Variants in GPR161 observed in about 807,000 individuals in gnomAD.
GPR161 encodes G-protein coupled receptor RE2.
In GPR161, 25 loss-of-function variants were observed where a neutral mutation model predicts 39.2. The observed-to-expected ratio is 0.64, with a 90% CI of 0.47 to 0.89. The LOEUF (loss-of-function observed/expected upper bound fraction) is 0.89, where lower values mean the gene tolerates loss of function less well. Ranked by LOEUF, GPR161 falls within the 40% of genes least tolerant of loss-of-function variation. GPR161 has a pLI of 0.00. For synonymous variants in GPR161, 286 were observed against 276.6 expected, an observed-to-expected ratio of 1.03 and a Z score of -0.34; for missense variants, 547 against 677.8, an observed-to-expected ratio of 0.81 and a Z score of 2.14.
Position 168,085,615 on chromosome 1 carries a change from G to T in GPR161, c.1506C>A (p.Arg502=). The change falls in exon 6 of 6, where the codon CGC becomes CGA. Residue 502 remains arginine, a synonymous_variant. Coordinates refer to ENST00000682931, the MANE Select transcript of GPR161 (RefSeq NM_001375883.1). ...RTVPGGGFGG[R]RGSRTLVSQR... is the part of the protein sequence containing the mutation. ...GGCTCACAAGAGTTCTGCTGCCTCGGCGGCCCCCGAAGCCGCCCCCCGGGA... is the reference window on the plus strand; with the variant it reads ...GGCTCACAAGAGTTCTGCTGCCTCGTCGGCCCCCGAAGCCGCCCCCCGGGA... The T allele has an allele frequency of 6.2e-7, 1 of 1,614,062 alleles. No homozygotes were observed. The highest frequency in any genetic ancestry group is 8.5e-7 in the Non-Finnish European group (1 of 1,179,996).
At chr1:168,123,551 C>T (rs1419853787) in intron 1 of GPR161, among the ~76,000 whole-genome samples, 5 of 148,952 alleles carry the variant, frequency 3.4e-5, no homozygotes, top group Admixed American at 6.7e-5. Context: ...CACACACACA[C>T]ACACACACAC....
At chr1:168,118,404 G>T (rs1458868766) in intron 1 of GPR161, among the ~76,000 whole-genome samples, 1,720 of 151,886 alleles carry the variant, frequency 0.011, 32 homozygotes, top group African/African-American at 0.04. Context: ...TGTATACACA[G>T]GGACACAGAG....
At chr1:168,137,298 C>T, upstream of GPR161, 1 of 1,527,356 alleles carries the variant, frequency 6.5e-7, no homozygotes, top group Non-Finnish European at 8.8e-7. Flanking sequence ...ATCACACAGA[C>T]ACTTTCAGAT....
chr1:168,117,112 C>A (rs975401672), intron 1 of GPR161, among the ~76,000 whole-genome samples: 3 of 152,162 alleles, frequency 2.0e-5, no homozygotes, highest in African/African-American at 7.2e-5. Flanking sequence ...CAACCCTCTC[C>A]ACAAGGGCAT....
intron 1 of GPR161, among the ~76,000 whole-genome samples, chr1:168,112,794 T>C (rs997244317): frequency 1.3e-5 from 2 of 151,906 alleles, no homozygotes; most frequent in Non-Finnish European, 2.9e-5. Context: ...GAGGCAGAGG[T>C]TGCAGTGAGC....
chr1:168,123,969 G>A (rs1380559283), intron 1 of GPR161, among the ~76,000 whole-genome samples: 1 of 152,212 alleles, frequency 6.6e-6, no homozygotes, highest in Non-Finnish European at 1.5e-5. Context: ...TTCGCATGTT[G>A]TAAAAAGCAA....
At chr1:168,096,469 T>C (rs1572269011) in intron 3 of GPR161, 39 bp downstream of exon 3, 1 of 1,582,590 alleles carries the variant, frequency 6.3e-7, no homozygotes, top group Non-Finnish European at 8.6e-7. Context: ...ACAGATTTCA[T>C]CTGCCTCGGA....
rs912607297 is a variant in GPR161, at chr1:168,084,700, A to G, written c.*831T>C. 5.2e-6 allele frequency: 2 copies of G among 381,406 alleles called. No homozygotes were observed. Among genetic ancestry groups the G allele is most frequent in the African/African-American group, 2.1e-5 (1 of 47,088 alleles). 23.6% of individuals were successfully genotyped at this position (381,406 alleles called of 1,614,324 possible). A position where few individuals can be genotyped will look rare whatever the true frequency, so the allele number is the denominator to read the frequency against. ...TCCCTTCCATAATAACAGTTTCTCT[A>G]TTTCCTGGCTGTGCTTGGCACTACA... On this transcript the variant is annotated 3_prime_UTR_variant, in exon 6 of 6. Coordinates refer to ENST00000682931, the MANE Select transcript of GPR161 (RefSeq NM_001375883.1).
chr1:168,109,812 C>A (rs113469638), intron 1 of GPR161, among the ~76,000 whole-genome samples: 11,653 of 151,980 alleles, frequency 0.077, 538 homozygotes, highest in Middle Eastern at 0.1. Flanking sequence ...ACTAAAAATA[C>A]AAAAATTAGC....
At chr1:168,106,065 G>A (rs1696590650) in intron 1 of GPR161, among the ~76,000 whole-genome samples, 1 of 152,082 alleles carries the variant, frequency 6.6e-6, no homozygotes. Flanking sequence ...AGTCCTAAGT[G>A]CCAGAGAGAA....
chr1:168,095,359 C>T (rs538776452), intron 3 of GPR161, among the ~76,000 whole-genome samples: 21 of 152,324 alleles, frequency 1.4e-4, no homozygotes, highest in African/African-American at 5.1e-4. Flanking sequence ...CCAGTGTTAA[C>T]GTTTTAGAGC....
At chr1:168,127,414 G>A (rs1272637018) in intron 1 of GPR161, among the ~76,000 whole-genome samples, 1 of 151,998 alleles carries the variant, frequency 6.6e-6, no homozygotes, top group Non-Finnish European at 1.5e-5. Context: ...AACCCAGGAG[G>A]TGGGCATTGC....
chr1:168,096,832 C>T lies in GPR161; in HGVS notation c.775G>A (p.Val259Met). ...TTGCACTGGTTGGCCGAGTAGACCA[C>T]ACCCTGAAAGGCATTCCTCCTGCTG... ...SGSRRNAFQG[V>M]VYSANQCKAL... The change falls in exon 3 of 6, where the codon GTG (valine) becomes ATG (methionine). Residue 259 changes from valine (V) to methionine (M), a missense_variant. By Grantham distance (21) the Val-to-Met change is conservative. Coordinates refer to ENST00000682931, the MANE Select transcript of GPR161 (RefSeq NM_001375883.1). The T allele has an allele frequency of 6.2e-7, 1 of 1,614,176 alleles. No homozygotes were observed. Among genetic ancestry groups the T allele is most frequent in the Non-Finnish European group, 8.5e-7 (1 of 1,180,038 alleles).
intron 1 of GPR161, among the ~76,000 whole-genome samples, chr1:168,114,190 A>T (rs1697440902): frequency 6.6e-6 from 1 of 152,138 alleles, no homozygotes; most frequent in African/African-American, 2.4e-5. Context: ...TTTTTACCTA[A>T]AACTCTTTCA....
intron 1 of GPR161, among the ~76,000 whole-genome samples, chr1:168,132,039 C>T (rs1699029910): frequency 6.6e-6 from 1 of 152,132 alleles, no homozygotes; most frequent in South Asian, 2.1e-4. Context: ...CCGAGGTGGG[C>T]AAATCCCCGG....
At chr1:168,119,254 A>ATGTGTACATATATATG (rs1697936783) in intron 1 of GPR161, among the ~76,000 whole-genome samples, 4 of 115,350 alleles carry the variant, frequency 3.5e-5, no homozygotes, top group Non-Finnish European at 5.2e-5. Context: ...ACATATATAT[A>ATGTGTACATATATATG]TACGTATATA....
rs1558077145 is a variant in GPR161 at position 168,083,544 on chromosome 1, G to A, written c.*1987C>T. 6.6e-6 allele frequency: 1 copy of A among 152,210 alleles called. No individual in the cohort carries two copies. 9.4% of individuals were successfully genotyped at this position (152,210 alleles called of 1,614,324 possible). A position where few individuals can be genotyped will look rare whatever the true frequency, so the allele number is the denominator to read the frequency against. On this transcript the variant is annotated 3_prime_UTR_variant, in exon 6 of 6. Transcript: ENST00000682931. ...GTTGATCAGGAATATGGTCCCTTCA[G>A]AAAGTAGACAAGTGCTAGAAAAAAA...
intron 1 of GPR161, among the ~76,000 whole-genome samples, chr1:168,123,581 T>TACACACACACACACACAC (rs1558135120): frequency 8.3e-5 from 10 of 119,934 alleles, no homozygotes; most frequent in African/African-American, 3.4e-4. Flanking sequence ...CACACACACT[T>TACACACACACACACACAC]GTTTGCATGG....
At chr1:168,123,537 TACACACACACACACACAC>T (rs10534836) in intron 1 of GPR161, among the ~76,000 whole-genome samples, 3 of 138,120 alleles carry the variant, frequency 2.2e-5, no homozygotes, top group African/African-American at 2.7e-5. Context: ...TGCACATACA[TACACACACACACACACAC>T]ACACACACAC....
Sources: gnomAD v4.1 joint callset for allele counts (sites outside exome capture counted in the v4.1 genomes callset) on GRCh38, gnomAD v4.1.1 for gene constraint, MANE v1.5 for transcripts, NCBI Gene and HGNC (gene_info 2026-07-23, HGNC 2026-07-21) for gene names.